RPS6KC1: variants seen among roughly 807,000 people sequenced by gnomAD.
RPS6KC1 encodes inactive ribosomal protein S6 kinase delta-1.
Under a neutral mutation model 103.8 loss-of-function variants are expected in RPS6KC1, and 54 were observed. The ratio of observed to expected loss-of-function variants is 0.52; its 90% CI spans 0.42 to 0.65. RPS6KC1 has a LOEUF of 0.65. RPS6KC1 is among the 30% of genes least tolerant of loss of function. The pLI is 0.00. For synonymous variants in RPS6KC1, 439 were observed against 438.7 expected (o/e 1.00, Z -0.01); for missense variants, 1,151 against 1,253.8 (o/e 0.92, Z 1.24).
chr1:213,195,631 T>G (rs2092916662), intron 8 of RPS6KC1, among the ~76,000 whole-genome samples: 1 of 152,138 alleles, frequency 6.6e-6, no homozygotes, highest in African/African-American at 2.4e-5. Flanking sequence ...TTCTCCTGAG[T>G]CCTCAGAGGT....
At chr1:213,626,684 A>C in the RPS6KC1 span, among the ~76,000 whole-genome samples, 15,640 of 152,204 alleles carry the variant, frequency 0.1, 1,271 homozygotes, top group African/African-American at 0.23. Context: ...TAAATAGGGA[A>C]TCCTTTCCCC....
the RPS6KC1 span, among the ~76,000 whole-genome samples, chr1:213,582,461 CCT>C: frequency 1.3e-5 from 2 of 152,168 alleles, no homozygotes; most frequent in African/African-American, 4.8e-5. Flanking sequence ...TCACTGCTAT[CCT>C]CTGTCACCAG....
At chr1:213,237,181 G>A (rs536712284) in intron 10 of RPS6KC1, among the ~76,000 whole-genome samples, 1 of 151,872 alleles carries the variant, frequency 6.6e-6, no homozygotes, top group African/African-American at 2.4e-5. Context: ...AGTATATTTA[G>A]GTCCATATTA....
chr1:213,414,035 C>G, the RPS6KC1 span, among the ~76,000 whole-genome samples: 2 of 152,308 alleles, frequency 1.3e-5, no homozygotes, highest in Admixed American at 1.3e-4. Flanking sequence ...CTTTCAGTTT[C>G]CTGATGTGGT....
chr1:213,381,531 T>C, the RPS6KC1 span, among the ~76,000 whole-genome samples: 1 of 152,024 alleles, frequency 6.6e-6, no homozygotes, highest in Non-Finnish European at 1.5e-5. Flanking sequence ...TTTGATCTGC[T>C]GAAATGCACC....
the RPS6KC1 span, chr1:213,819,688 G>GACAGA: frequency 6.6e-6 from 1 of 152,152 alleles, no homozygotes; most frequent in Non-Finnish European, 1.5e-5. Flanking sequence ...CACCATGCTT[G>GACAGA]GCACATAGAA....
At chr1:213,780,264 C>T in the RPS6KC1 span, among the ~76,000 whole-genome samples, 7 of 152,316 alleles carry the variant, frequency 4.6e-5, no homozygotes, top group African/African-American at 2.4e-5. Context: ...TATAAGTCCA[C>T]AAGTTCACGG....
chr1:213,217,448 G>C (rs1449275340), intron 8 of RPS6KC1, among the ~76,000 whole-genome samples: 1 of 152,192 alleles, frequency 6.6e-6, no homozygotes, highest in Non-Finnish European at 1.5e-5. Flanking sequence ...GAGGTACAAA[G>C]ATGAGCTGGT....
intron 12 of RPS6KC1, among the ~76,000 whole-genome samples, chr1:213,247,389 A>G (rs2094470757): frequency 6.6e-6 from 1 of 152,216 alleles, no homozygotes; most frequent in Non-Finnish European, 1.5e-5. Flanking sequence ...GCCTGACTTT[A>G]TCAAATAATC....
At chr1:213,557,076 T>G in the RPS6KC1 span, among the ~76,000 whole-genome samples, 1 of 152,078 alleles carries the variant, frequency 6.6e-6, no homozygotes, top group African/African-American at 2.4e-5. Flanking sequence ...AGTAAGAGGA[T>G]GAGATCAGCA....
Position 213,241,916 on chromosome 1 carries a change from A to G in RPS6KC1, c.2440A>G (p.Thr814Ala). The G allele has an allele frequency of 6.2e-7, 1 of 1,614,072 alleles. No homozygotes were observed. The highest frequency in any genetic ancestry group is 1.7e-5 in the Admixed American group (1 of 59,976). Residue 814 changes from threonine to alanine, a missense_variant, in exon 11 of 15, where the codon ACA becomes GCA. Coordinates refer to ENST00000366960, the MANE Select transcript of RPS6KC1 (RefSeq NM_012424.6). ...VVESAVTANN[T>A]EESLFRICSP... Reference sequence around the variant, plus strand: ...TGAGTCAGCAGTAACTGCAAACAACACAGAAGAAAGCTTATTCCGTATTTG... The same window carrying G: ...TGAGTCAGCAGTAACTGCAAACAACGCAGAAGAAAGCTTATTCCGTATTTG...
At chr1:213,542,917 G>A in the RPS6KC1 span, among the ~76,000 whole-genome samples, 538 of 152,262 alleles carry the variant, frequency 3.5e-3, 1 homozygote, top group African/African-American at 0.012. Flanking sequence ...AGAGGGCCAC[G>A]CAAACCAGCC....
At chr1:213,180,760 G>A (rs1385050565) in intron 8 of RPS6KC1, among the ~76,000 whole-genome samples, 2 of 152,140 alleles carry the variant, frequency 1.3e-5, no homozygotes, top group Admixed American at 6.5e-5. Flanking sequence ...TTGTATTTGT[G>A]TGGTACGAAT....
intron 8 of RPS6KC1, among the ~76,000 whole-genome samples, chr1:213,182,946 TATC>T (rs2092355394): frequency 6.7e-6 from 1 of 150,162 alleles, no homozygotes; most frequent in African/African-American, 2.4e-5. Context: ...GTTTCTTATA[TATC>T]ATGATATATA....
the RPS6KC1 span, among the ~76,000 whole-genome samples, chr1:213,328,503 A>AATATATATATATAT: frequency 6.3e-5 from 2 of 31,772 alleles, no homozygotes; most frequent in Admixed American, 4.5e-4. Context: ...CAGCCATTAT[A>AATATATATATATAT]CTATATATAT....
intron 8 of RPS6KC1, among the ~76,000 whole-genome samples, chr1:213,200,877 C>T (rs914566718): frequency 6.6e-6 from 1 of 152,110 alleles, no homozygotes; most frequent in African/African-American, 2.4e-5. Context: ...GAACAGGAGA[C>T]CACATACCGC....
intron 8 of RPS6KC1, among the ~76,000 whole-genome samples, chr1:213,209,850 G>C (rs1188220373): frequency 2.0e-5 from 3 of 152,088 alleles, no homozygotes; most frequent in Non-Finnish European, 4.4e-5. Flanking sequence ...TTTGGGAAAG[G>C]GGTGTGAATT....
At chr1:213,432,682 C>T in the RPS6KC1 span, among the ~76,000 whole-genome samples, 1 of 151,914 alleles carries the variant, frequency 6.6e-6, no homozygotes, top group Non-Finnish European at 1.5e-5. Flanking sequence ...TGTTTTCTGT[C>T]ATTGTAGATT....
chr1:213,644,575 C>T, the RPS6KC1 span, among the ~76,000 whole-genome samples: 1 of 151,758 alleles, frequency 6.6e-6, no homozygotes, highest in African/African-American at 2.4e-5. Flanking sequence ...TTTACTGTCT[C>T]CATAGTTTGC....
Sources: gnomAD v4.1 joint callset for allele counts (sites outside exome capture counted in the v4.1 genomes callset) on GRCh38, gnomAD v4.1.1 for gene constraint, MANE v1.5 for transcripts, NCBI Gene and HGNC (gene_info 2026-07-23, HGNC 2026-07-21) for gene names.